The following NEGR1 variants were observed in gnomAD, a reference collection of about 807,000 sequenced individuals.
NEGR1 encodes neuronal growth regulator 1.
A neutral mutation model predicts 40.9 loss-of-function variants in NEGR1; 10 were observed. The ratio of observed to expected loss-of-function variants is 0.24; its 90% CI spans 0.15 to 0.42. The LOEUF (loss-of-function observed/expected upper bound fraction) is 0.42, where lower values mean the gene tolerates loss of function less well. Ranked by LOEUF, NEGR1 falls within the 10% of genes least tolerant of loss-of-function variation. The pLI, the probability that NEGR1 is intolerant of heterozygous loss-of-function variation, is 1.00. For missense variants in NEGR1, 352 were observed against 438.9 expected (o/e 0.80, Z 1.77); for synonymous variants, 185 against 166.8 (o/e 1.11, Z -0.84).
chr1:71,759,130 C>A (rs540340255), intron 3 of NEGR1, among the ~76,000 whole-genome samples: 74 of 152,108 alleles, frequency 4.9e-4, no homozygotes, highest in African/African-American at 1.8e-3. Context: ...ATTAGATGGA[C>A]TCATTGTATA....
At chr1:72,149,879 CAAAAAA>C (rs1180110033) in intron 1 of NEGR1, among the ~76,000 whole-genome samples, 3 of 39,392 alleles carry the variant, frequency 7.6e-5, no homozygotes, top group African/African-American at 2.6e-4. Flanking sequence ...AAAACTCTGT[CAAAAAA>C]AAAAAAAAAA....
chr1:72,059,440 G>C (rs1647145943), intron 1 of NEGR1, among the ~76,000 whole-genome samples: 1 of 151,540 alleles, frequency 6.6e-6, no homozygotes, highest in Non-Finnish European at 1.5e-5. Context: ...GTCAAGTTGT[G>C]ACTTGCCAGA....
chr1:71,714,955 C>T (rs564502446), intron 3 of NEGR1, among the ~76,000 whole-genome samples: 27 of 152,316 alleles, frequency 1.8e-4, no homozygotes, highest in African/African-American at 4.3e-4. Context: ...GCTCCAACCC[C>T]GCATTTCCCT....
rs973418302 is a variant in NEGR1, at chr1:71,799,352, T to C, written c.410-23055A>G. Among the ~76,000 whole-genome samples the C allele has an allele frequency of 3.9e-5, 6 of 152,194 alleles. No individual in the cohort carries two copies. In the South Asian group the frequency reaches 6.2e-4, roughly 16 times the overall value. The stretch of plus-strand genomic sequence containing the variant: ...GAATGATGGTTTCCAGCTTCATCCA[T>C]GTTCCTGCAAAGGACATGAACTCAT... On this transcript the variant is annotated intron_variant, in intron 2 of 6. Transcript: ENST00000357731.
At chr1:72,203,073 C>T (rs1653272593) in intron 1 of NEGR1, among the ~76,000 whole-genome samples, 1 of 152,036 alleles carries the variant, frequency 6.6e-6, no homozygotes, top group Non-Finnish European at 1.5e-5. Context: ...TACTTGCCTA[C>T]TAACACAGCA....
intron 1 of NEGR1, among the ~76,000 whole-genome samples, chr1:72,068,720 C>T (rs1444862032): frequency 1.3e-5 from 2 of 151,938 alleles, no homozygotes; most frequent in Non-Finnish European, 2.9e-5. Flanking sequence ...AATAGAGTAC[C>T]AGCTATGTAA....
chr1:71,897,128 G>A (rs930545223), intron 2 of NEGR1, among the ~76,000 whole-genome samples: 5 of 151,684 alleles, frequency 3.3e-5, no homozygotes, highest in African/African-American at 1.2e-4. Flanking sequence ...CTCTGTTCAC[G>A]CTTAAAGTAT....
intron 3 of NEGR1, chr1:71,738,343 C>A: frequency 4.2e-6 from 1 of 240,194 alleles, no homozygotes; most frequent in South Asian, 7.5e-5. Context: ...CAACAAGAAA[C>A]ATCCCCAGTG....
At chr1:72,123,622 A>G (rs1649891543) in intron 1 of NEGR1, among the ~76,000 whole-genome samples, 1 of 151,960 alleles carries the variant, frequency 6.6e-6, no homozygotes, top group Non-Finnish European at 1.5e-5. Context: ...TTTAGACAAT[A>G]GAAAAGCTCT....
Position 71,797,036 on chromosome 1 carries a change from T to C in NEGR1, c.410-20739A>G, listed in dbSNP as rs1657356471. Among the ~76,000 whole-genome samples, 3 of 152,086 alleles carry C rather than the reference T, an allele frequency of 2.0e-5. No homozygotes were observed. In the South Asian group the frequency reaches 6.2e-4, roughly 32 times the overall value. On this transcript the variant is annotated intron_variant, in intron 2 of 6. Transcript: ENST00000357731. Reference sequence around the variant, plus strand: ...ATGGTGAGAGACAGGATTTGTATCATTAAAGAGGAGAAGGACTTCAGACAA... The same window carrying C: ...ATGGTGAGAGACAGGATTTGTATCACTAAAGAGGAGAAGGACTTCAGACAA...
chr1:71,410,230 A>G (rs745942683), intron 6 of NEGR1, among the ~76,000 whole-genome samples: 5 of 152,126 alleles, frequency 3.3e-5, no homozygotes, highest in Admixed American at 6.6e-5. Context: ...TTAGCTTGCA[A>G]TTGTTACAGG....
chr1:72,249,646 C>G (rs1232557152), intron 1 of NEGR1, among the ~76,000 whole-genome samples: 2 of 151,958 alleles, frequency 1.3e-5, no homozygotes, highest in Non-Finnish European at 2.9e-5. Context: ...TAAAGGATTT[C>G]ACAAAAAGGG....
intron 2 of NEGR1, among the ~76,000 whole-genome samples, chr1:71,777,231 T>C (rs1656544235): frequency 6.6e-6 from 1 of 152,124 alleles, no homozygotes; most frequent in Non-Finnish European, 1.5e-5. Flanking sequence ...TTATTTAATT[T>C]ATCTCAGCCT....
intron 1 of NEGR1, among the ~76,000 whole-genome samples, chr1:72,001,102 G>T (rs1646553733): frequency 6.6e-6 from 1 of 152,118 alleles, no homozygotes; most frequent in Non-Finnish European, 1.5e-5. Flanking sequence ...GCACTAGGAG[G>T]ACAGGGTACA....
chr1:71,953,856 A>G (rs1646094388), intron 1 of NEGR1, among the ~76,000 whole-genome samples: 1 of 152,018 alleles, frequency 6.6e-6, no homozygotes, highest in Admixed American at 6.6e-5. Context: ...GCTATTGCAT[A>G]CTTAATAGAT....
intron 4 of NEGR1, among the ~76,000 whole-genome samples, chr1:71,672,306 C>T (rs535652717): frequency 6.4e-4 from 97 of 152,204 alleles, no homozygotes; most frequent in African/African-American, 2.3e-3. Flanking sequence ...AAAATTATTG[C>T]ATTCATTAAA....
intron 2 of NEGR1, among the ~76,000 whole-genome samples, chr1:71,796,029 A>G (rs1049082971): frequency 1.3e-5 from 2 of 152,192 alleles, no homozygotes; most frequent in African/African-American, 4.8e-5. Context: ...TATGGTCATT[A>G]AAATCTAGCT....
intron 6 of NEGR1, among the ~76,000 whole-genome samples, chr1:71,568,829 CGTGTGTGTGTGTGTGTGTGT>C (rs35692576): frequency 4.7e-5 from 7 of 147,532 alleles, no homozygotes; most frequent in African/African-American, 1.5e-4. Context: ...TATATGTATA[CGTGTGTGTGTGTGTGTGTGT>C]GTGTGTGTGT....
chr1:71,835,494 T>G (rs569909706), intron 2 of NEGR1, among the ~76,000 whole-genome samples: 8 of 152,280 alleles, frequency 5.3e-5, no homozygotes, highest in African/African-American at 1.9e-4. Flanking sequence ...TTCCTTATTA[T>G]ACTTTTTCTT....
Sources: gnomAD v4.1 joint callset for allele counts (sites outside exome capture counted in the v4.1 genomes callset) on GRCh38, gnomAD v4.1.1 for gene constraint, MANE v1.5 for transcripts, NCBI Gene and HGNC (gene_info 2026-07-23, HGNC 2026-07-21) for gene names.